Variants in VTCN1 observed in about 807,000 individuals in gnomAD.
VTCN1 encodes V-set domain-containing T-cell activation inhibitor 1.
VTCN1 carries 26 observed loss-of-function variants against 26.5 expected under a neutral mutation model. The ratio of observed to expected loss-of-function variants is 0.98; its 90% CI spans 0.72 to 1.36. The LOEUF (loss-of-function observed/expected upper bound fraction) is 1.36. Among genes scored for constraint, VTCN1 ranks in the 40% most tolerant of loss-of-function variants. VTCN1 has a pLI of 0.00. For synonymous variants in VTCN1, 116 were observed against 130.7 expected (o/e 0.89, Z 0.77); for missense variants, 298 against 337.7 (o/e 0.88, Z 0.92).
chr1:117,150,941 T>C (rs572073940), intron 4 of VTCN1, among the ~76,000 whole-genome samples: 5 of 152,334 alleles, frequency 3.3e-5, no homozygotes, highest in African/African-American at 1.2e-4. Flanking sequence ...TAGCATATGA[T>C]AGGATTTCCT....
chr1:117,162,854 G>T (rs1652435685), intron 2 of VTCN1, among the ~76,000 whole-genome samples: 1 of 152,148 alleles, frequency 6.6e-6, no homozygotes, highest in Admixed American at 6.5e-5. Context: ...CACAAGACAA[G>T]GATTCTTTAC....
chr1:117,186,814 G>A (rs1015640662), intron 1 of VTCN1, among the ~76,000 whole-genome samples: 1 of 152,150 alleles, frequency 6.6e-6, no homozygotes, highest in Non-Finnish European at 1.5e-5. Flanking sequence ...GATTGCTTGA[G>A]GCCAGGAGTT....
At chr1:117,196,488 T>G (rs984009015) in intron 1 of VTCN1, among the ~76,000 whole-genome samples, 2 of 151,982 alleles carry the variant, frequency 1.3e-5, no homozygotes, top group South Asian at 4.2e-4. Flanking sequence ...CCGATAGATA[T>G]TTTTTTCCTT....
intron 1 of VTCN1, among the ~76,000 whole-genome samples, chr1:117,207,185 G>A (rs904378673): frequency 6.6e-6 from 1 of 152,132 alleles, no homozygotes; most frequent in Non-Finnish European, 1.5e-5. Flanking sequence ...GAGCCTCCTT[G>A]TCCCAGGATC....
intron 1 of VTCN1, among the ~76,000 whole-genome samples, chr1:117,199,776 C>T (rs113594400): frequency 0.12 from 18,174 of 151,780 alleles, 1,269 homozygotes; most frequent in Non-Finnish European, 0.17. Context: ...GCTGGGACTA[C>T]AGGCATGTGC....
At chr1:117,188,245 C>A (rs1440647913) in intron 1 of VTCN1, among the ~76,000 whole-genome samples, 1 of 152,056 alleles carries the variant, frequency 6.6e-6, no homozygotes, top group Non-Finnish European at 1.5e-5. Context: ...GAGAGACGGA[C>A]AGACAGAGAC....
chr1:117,160,904 T>C (rs538124321), intron 2 of VTCN1, among the ~76,000 whole-genome samples: 1 of 152,072 alleles, frequency 6.6e-6, no homozygotes, highest in Non-Finnish European at 1.5e-5. Context: ...TCTAGATGGA[T>C]TTGCAGCAGA....
chr1:117,170,525 C>T (rs530623928), intron 1 of VTCN1, among the ~76,000 whole-genome samples: 12 of 152,244 alleles, frequency 7.9e-5, no homozygotes, highest in African/African-American at 2.6e-4. Flanking sequence ...TGGTCCTGTT[C>T]CCAGCCTTCC....
chr1:117,148,318 T>G (rs1215612678), intron 4 of VTCN1, among the ~76,000 whole-genome samples: 1 of 152,240 alleles, frequency 6.6e-6, no homozygotes, highest in African/African-American at 2.4e-5. Flanking sequence ...TGTGTGACTT[T>G]AGGCAAGTTA....
chr1:117,197,210 G>A (rs146182776), intron 1 of VTCN1, among the ~76,000 whole-genome samples: 45 of 152,254 alleles, frequency 3.0e-4, no homozygotes, highest in African/African-American at 1.0e-3. Flanking sequence ...TAAAAGTCAA[G>A]CATTTCATTG....
intron 1 of VTCN1, among the ~76,000 whole-genome samples, chr1:117,184,185 T>C (rs79414479): frequency 6.6e-6 from 1 of 152,248 alleles, no homozygotes; most frequent in South Asian, 2.1e-4. Context: ...CCAAGTGAGG[T>C]TGTTGCCTTC....
chr1:117,173,135 C>T, intron 1 of VTCN1: 1 of 713,880 alleles, frequency 1.4e-6, no homozygotes, highest in South Asian at 1.5e-5. Flanking sequence ...GAGCAAACAA[C>T]TCCGGAACAA....
intron 4 of VTCN1, among the ~76,000 whole-genome samples, chr1:117,151,432 A>C (rs1008259901): frequency 6.6e-6 from 1 of 152,136 alleles, no homozygotes; most frequent in African/African-American, 2.4e-5. Flanking sequence ...GAACAGCAAA[A>C]CACCAAACCC....
chr1:117,152,557 A>G (rs1336072786), intron 4 of VTCN1, among the ~76,000 whole-genome samples: 1 of 152,118 alleles, frequency 6.6e-6, no homozygotes, highest in African/African-American at 2.4e-5. Flanking sequence ...AGTTCCATCT[A>G]GGGGTTTCAG....
At chr1:117,190,299 G>T (rs927497830) in intron 1 of VTCN1, among the ~76,000 whole-genome samples, 1 of 152,200 alleles carries the variant, frequency 6.6e-6, no homozygotes, top group African/African-American at 2.4e-5. Context: ...TCAGGCTGTG[G>T]CCTCAGCAGT....
In VTCN1 at chr1:117,146,481, A is replaced by T. The variant is rs1312189667; in HGVS notation, c.*45+1132T>A. Among the ~76,000 whole-genome samples, 1 of 152,240 alleles carries T rather than the reference A, an allele frequency of 6.6e-6. No individual in the cohort carries two copies. Among genetic ancestry groups the T allele is most frequent in the East Asian group, 1.9e-4 (1 of 5,204 alleles). On this transcript the variant is annotated intron_variant, in intron 5 of 5. Transcript: ENST00000369458. The surrounding 1 kb of genome is among the most constrained non-coding windows in gnomAD (Gnocchi z 4.2). ...TGTACCCTGGAGAGTGTAAGACATA[A>T]ATCATACATGCATGCCAAGAGGATA...
intron 1 of VTCN1, among the ~76,000 whole-genome samples, chr1:117,195,388 A>G (rs1648459165): frequency 6.6e-6 from 1 of 151,956 alleles, no homozygotes; most frequent in South Asian, 2.1e-4. Context: ...GGTAAAGTAT[A>G]TGTGTTAACT....
At chr1:117,171,756 TATAG>T (rs1652928336) in intron 1 of VTCN1, among the ~76,000 whole-genome samples, 1 of 152,222 alleles carries the variant, frequency 6.6e-6, no homozygotes, top group Admixed American at 6.5e-5. Flanking sequence ...GTCTCCATTT[TATAG>T]ATGGGGAAGT....
intron 1 of VTCN1, among the ~76,000 whole-genome samples, chr1:117,174,665 G>C (rs1164150883): frequency 2.0e-5 from 3 of 152,176 alleles, no homozygotes; most frequent in African/African-American, 7.2e-5. Flanking sequence ...TACTCGGGAG[G>C]CTGGGGCAGG....
Sources: allele counts gnomAD v4.1 joint callset (sites outside exome capture counted in the v4.1 genomes callset), GRCh38; gene constraint gnomAD v4.1.1; non-coding constraint Gnocchi (gnomAD v3.1); transcripts MANE v1.5; gene names NCBI Gene and HGNC (gene_info 2026-07-23, HGNC 2026-07-21).